Variants in ULK4 observed in about 807,000 individuals in gnomAD.
The protein encoded by ULK4 is unc-51 like kinase 4, also known as inactive serine/threonine-protein kinase ULK4.
A neutral mutation model predicts 160.6 loss-of-function variants in ULK4; 133 were observed. The ratio of observed to expected loss-of-function variants is 0.83; its 90% confidence interval spans 0.72 to 0.96. The LOEUF is 0.96. Among genes scored for constraint, ULK4 ranks in the 40% least tolerant of loss-of-function variants. ULK4 has a pLI of 0.00. For missense variants in ULK4, 1,580 were observed against 1,499.5 expected (o/e 1.05, Z -0.89); for synonymous variants, 534 against 539.8 (o/e 0.99, Z 0.15).
chr3:41,902,133 AAATAG>A (rs1469892335), intron 12 of ULK4, among the ~76,000 whole-genome samples: 1 of 152,216 alleles, frequency 6.6e-6, no homozygotes, highest in African/African-American at 2.4e-5. Flanking sequence ...AAACTAAATA[AAATAG>A]AAAAGTAAAT....
chr3:41,810,810 C>T (rs1285090740), intron 19 of ULK4, among the ~76,000 whole-genome samples: 2 of 152,108 alleles, frequency 1.3e-5, no homozygotes, highest in Non-Finnish European at 2.9e-5. Flanking sequence ...TGTTAATTGG[C>T]TTATTTCCTT....
chr3:41,920,003 T>A (rs1200809584), intron 5 of ULK4, among the ~76,000 whole-genome samples, 185 bp from the exon 6 acceptor site: 4 of 152,244 alleles, frequency 2.6e-5, no homozygotes, highest in African/African-American at 9.6e-5. Flanking sequence ...GCAAAGGATG[T>A]GTGTGAATAT....
At chr3:41,608,993 A>G (rs993012915) in intron 31 of ULK4, among the ~76,000 whole-genome samples, 1 of 152,220 alleles carries the variant, frequency 6.6e-6, no homozygotes, top group African/African-American at 2.4e-5. Flanking sequence ...TGTATGTACT[A>G]TTTCCTCAAA....
At chr3:41,632,188 G>C (rs1377005398) in intron 30 of ULK4, among the ~76,000 whole-genome samples, 1 of 152,132 alleles carries the variant, frequency 6.6e-6, no homozygotes, top group East Asian at 1.9e-4. Context: ...ACAGGAAGAG[G>C]CAGTATCAGT....
chr3:41,623,328 T>G (rs1044324523), intron 30 of ULK4, among the ~76,000 whole-genome samples: 4 of 152,076 alleles, frequency 2.6e-5, no homozygotes, highest in Non-Finnish European at 4.4e-5. Context: ...TACATACACT[T>G]GTGAAGGGAA....
chr3:41,930,404 A>G (rs1699552241), intron 5 of ULK4, among the ~76,000 whole-genome samples: 1 of 152,238 alleles, frequency 6.6e-6, no homozygotes, highest in South Asian at 2.1e-4. Context: ...AAACCTAGGC[A>G]ATACCATTCA....
Position 41,715,481 on chromosome 3 carries a change from A to AG in ULK4, c.2542dup (p.Leu848ProfsTer32), listed in dbSNP as rs1330187259. 9.3e-6 allele frequency: 15 copies of AG among 1,613,978 alleles called. No individual in the cohort carries two copies. The highest frequency in any genetic ancestry group is 1.3e-5 in the Non-Finnish European group (15 of 1,179,970). On this transcript the variant is annotated frameshift_variant, in exon 24 of 37. Coordinates refer to ENST00000301831, the MANE Select transcript of ULK4 (RefSeq NM_017886.4). LOFTEE classifies it high-confidence loss of function. ...TACGAGGTGAAGCACTACAGGCATC[A>AG]GGGGGAGACACAACTTCAGCTGTTT...
chr3:41,706,838 A>AT (rs1389593148), intron 25 of ULK4, among the ~76,000 whole-genome samples: 2,006 of 125,254 alleles, frequency 0.016, 69 homozygotes, highest in African/African-American at 0.086. Context: ...AAAAAAAAAA[A>AT]AAAAAAAAAT....
At chr3:41,552,460 T>C (rs1194386997) in intron 32 of ULK4, among the ~76,000 whole-genome samples, 3 of 151,740 alleles carry the variant, frequency 2.0e-5, no homozygotes, top group Non-Finnish European at 4.4e-5. Context: ...TATACACTAA[T>C]AATAAACTAG....
rs1698835847 is a variant in ULK4, at chr3:41,912,829, T to C, written c.874A>G (p.Ser292Gly). ...TACCTGAGACTGAGATCTTCGACGC[T>C]TGATTCCTGATCTGCTCCAGCAAAA... ...KAFAGADQES[S>G]VEDLSLSRNT... The change falls in exon 9 of 37, where the codon AGC becomes GGC. Residue 292 changes from serine to glycine, a missense_variant. Physicochemically the swap from Ser to Gly is moderately conservative, Grantham distance 56. Transcript: ENST00000301831. The C allele has an allele frequency of 9.9e-6, 16 of 1,614,148 alleles. No homozygotes were observed. In the East Asian group the frequency reaches 3.3e-4, roughly 34 times the overall value.
intron 34 of ULK4, among the ~76,000 whole-genome samples, chr3:41,449,927 T>G (rs12494300): frequency 6.8e-6 from 1 of 147,314 alleles, no homozygotes; most frequent in Admixed American, 6.9e-5. Context: ...GGGTCCTAAA[T>G]GGACTGTCAA....
chr3:41,676,220 A>G (rs1203198342), intron 29 of ULK4, among the ~76,000 whole-genome samples: 1 of 152,214 alleles, frequency 6.6e-6, no homozygotes. Flanking sequence ...ATTGTCTTGT[A>G]TTATTATATT....
intron 35 of ULK4, among the ~76,000 whole-genome samples, chr3:41,309,763 T>C (rs942252908): frequency 6.6e-6 from 1 of 151,992 alleles, no homozygotes; most frequent in Admixed American, 6.6e-5. Flanking sequence ...AAACCCTTCA[T>C]GAAAAAAATT....
intron 21 of ULK4, among the ~76,000 whole-genome samples, chr3:41,786,157 C>T (rs927110940): frequency 2.0e-5 from 3 of 152,096 alleles, no homozygotes; most frequent in African/African-American, 4.8e-5. Flanking sequence ...TAAAACTATC[C>T]CAAATTACTG....
intron 35 of ULK4, among the ~76,000 whole-genome samples, chr3:41,296,616 A>C (rs2079673728): frequency 6.6e-6 from 1 of 152,136 alleles, no homozygotes; most frequent in African/African-American, 2.4e-5. Flanking sequence ...GGGAGGTGAC[A>C]TTTAAGATAA....
At chr3:41,307,408 T>C (rs2079968710) in intron 35 of ULK4, among the ~76,000 whole-genome samples, 2 of 152,218 alleles carry the variant, frequency 1.3e-5, no homozygotes, top group Admixed American at 1.3e-4. Flanking sequence ...TTAATATTTT[T>C]CTTGATGATA....
At chr3:41,766,246 C>T (rs541109131) in intron 21 of ULK4, among the ~76,000 whole-genome samples, 4 of 152,078 alleles carry the variant, frequency 2.6e-5, no homozygotes, top group African/African-American at 7.2e-5. Context: ...CCAGCCTGGG[C>T]GTCAGAGCAA....
At chr3:41,254,875 T>G (rs1413732408) in intron 35 of ULK4, among the ~76,000 whole-genome samples, 1 of 143,654 alleles carries the variant, frequency 7.0e-6, no homozygotes, top group Non-Finnish European at 1.5e-5. Context: ...AGAGCGAGAC[T>G]CCATCTCAAA....
At chr3:41,721,377 T>A (rs1371567564) in intron 22 of ULK4, among the ~76,000 whole-genome samples, 28 of 127,174 alleles carry the variant, frequency 2.2e-4, no homozygotes, top group African/African-American at 8.2e-4. Flanking sequence ...TTTTTTTTTT[T>A]TTTTGAAACG....
Sources: gnomAD v4.1 joint callset for allele counts (sites outside exome capture counted in the v4.1 genomes callset) on GRCh38, gnomAD v4.1.1 for gene constraint, MANE v1.5 for transcripts, NCBI Gene and HGNC (gene_info 2026-07-23, HGNC 2026-07-21) for gene names.